SACS: variants seen among roughly 807,000 people sequenced by gnomAD.
SACS encodes sacsin molecular chaperone.
A neutral mutation model predicts 348.0 loss-of-function variants in SACS; 197 were observed. The ratio of observed to expected loss-of-function variants is 0.57; its 90% CI spans 0.50 to 0.64. SACS has a LOEUF of 0.64. SACS is among the 30% of genes least tolerant of loss of function. SACS has a pLI of 0.00. For missense variants in SACS, 4,999 were observed against 5,360.8 expected (o/e 0.93, Z 2.11); for synonymous variants, 1,985 against 1,910.6 (o/e 1.04, Z -1.02).
At chr13:23,426,668 G>A (rs1433250036) in intron 1 of SACS, among the ~76,000 whole-genome samples, 1 of 151,194 alleles carries the variant, frequency 6.6e-6, no homozygotes. Flanking sequence ...GAAGTACATT[G>A]GTTTGGTCTG....
rs1872592995 is a variant in SACS at position 23,393,165 on chromosome 13, C to A, written c.21-17896G>T. 2.0e-5 allele frequency among the ~76,000 whole-genome samples: 3 copies of A among 152,150 alleles called. No homozygotes were observed. The South Asian group carries it at 6.2e-4, about 32-fold the overall frequency. On this transcript the variant is annotated intron_variant, in intron 2 of 9. Transcript: ENST00000382292. ...GAACATGAACAAACTTGTTCCTAAG[C>A]CCATGTGAGACGTCACCTCTCCAAG...
intron 1 of SACS, among the ~76,000 whole-genome samples, chr13:23,422,183 C>A (rs1338897087): frequency 6.6e-6 from 1 of 152,188 alleles, no homozygotes; most frequent in African/African-American, 2.4e-5. Flanking sequence ...TTTCATTAAA[C>A]AAGTTCCTAA....
In SACS at chr13:23,329,370, T is replaced by TA; in HGVS notation, c.*765dup. 1.4e-6 allele frequency: 1 copy of TA among 729,370 alleles called. No individual in the cohort carries two copies. Among genetic ancestry groups the TA allele is most frequent in the East Asian group, 2.5e-5 (1 of 39,824 alleles). The allele number at this position is 729,370 out of a possible 1,614,324, so 45.2% of individuals were successfully genotyped here. ...ACACACAAACATAAAGCAAGTGTTC[T>TA]AACAGTTAATAAATGTTGTCTTGGC... On this transcript the variant is annotated 3_prime_UTR_variant, in exon 10 of 10. Transcript: ENST00000382292.
At chr13:23,369,298 A>T (rs1371572672) in intron 4 of SACS, among the ~76,000 whole-genome samples, 1 of 152,148 alleles carries the variant, frequency 6.6e-6, no homozygotes, top group Non-Finnish European at 1.5e-5. Flanking sequence ...CCTTGCCTAA[A>T]CTAGATATTC....
intron 6 of SACS, among the ~76,000 whole-genome samples, chr13:23,361,363 A>C (rs1025396708): frequency 7.2e-5 from 11 of 152,202 alleles, no homozygotes; most frequent in Admixed American, 3.3e-4. Context: ...CCTTTGCTGT[A>C]ATCAACTCAG....
In SACS at chr13:23,339,205, A is replaced by T. The variant is rs1465375183; in HGVS notation, c.4671T>A (p.Gly1557=). The T allele has an allele frequency of 6.2e-7, 1 of 1,611,992 alleles. No homozygotes were observed. Among genetic ancestry groups the T allele is most frequent in the Non-Finnish European group, 8.5e-7 (1 of 1,179,042 alleles). ...RGEVDKVGKF[G]LGFNSVYHIT... ...TATGGTACACAGAATTAAATCCAAG[A>T]CCAAATTTTCCAACTTTGTCAACTT... The change falls in exon 10 of 10, where the codon GGT becomes GGA. Residue 1557 remains glycine, a synonymous_variant. Coordinates refer to ENST00000382292, the MANE Select transcript of SACS (RefSeq NM_014363.6).
rs773270204 is a variant in SACS, at chr13:23,334,436, T to C, written c.9440A>G (p.Glu3147Gly). 2 of 1,612,548 alleles carry C rather than the reference T, an allele frequency of 1.2e-6. No homozygotes were observed. The highest frequency in any genetic ancestry group is 2.7e-5 in the African/African-American group (2 of 74,882). The change falls in exon 10 of 10, where the codon GAG becomes GGG. Residue 3147 changes from glutamate (E) to glycine (G), a missense_variant. Transcript: ENST00000382292. ...AAGGGGCAATCCCTCAACTTCAATC[T>C]CATTTTCTTCTGCATCTTTAAAACA... ...DYCFKDAEEN[E>G]IEVEGLPLLI...
At position 23,341,653 on chromosome 13, in the gene SACS, T is replaced by C. The variant is rs1203567131; in HGVS notation, c.2223A>G (p.Glu741=). 6.2e-7 allele frequency: 1 copy of C among 1,613,422 alleles called. No homozygotes were observed. Among genetic ancestry groups the C allele is most frequent in the South Asian group, 1.1e-5 (1 of 91,082 alleles). Residue 741 remains glutamate, a synonymous_variant, in exon 10 of 10, where the codon GAA becomes GAG. Coordinates refer to ENST00000382292, the MANE Select transcript of SACS (RefSeq NM_014363.6). ...PCTQLQLLNP[E]RFARLIKEVM... ...CTTCCTTGATAAGACGTGCAAATCG[T>C]TCTGGATTTAGAAGCTGCAGCTGAG...
intron 1 of SACS, among the ~76,000 whole-genome samples, chr13:23,413,939 G>A (rs1433316585): frequency 6.6e-6 from 1 of 152,180 alleles, no homozygotes; most frequent in Non-Finnish European, 1.5e-5. Flanking sequence ...ACTCCAGTTT[G>A]AAATGTTTAA....
chr13:23,433,017 T>A (rs1039501295), intron 1 of SACS, among the ~76,000 whole-genome samples: 1 of 152,238 alleles, frequency 6.6e-6, no homozygotes, highest in African/African-American at 2.4e-5. Flanking sequence ...AATGATCGCT[T>A]ATTAGAATAA....
intron 1 of SACS, chr13:23,427,949 C>T (rs1011215557): frequency 6.6e-6 from 1 of 152,228 alleles, no homozygotes; most frequent in Admixed American, 6.5e-5. Flanking sequence ...TTAAGAGTGT[C>T]TTTGGGACTA....
intron 2 of SACS, among the ~76,000 whole-genome samples, chr13:23,377,574 T>C (rs144119535): frequency 6.6e-6 from 1 of 152,292 alleles, no homozygotes; most frequent in Non-Finnish European, 1.5e-5. Context: ...TCCACTTGAC[T>C]TTCCTACCCA....
At chr13:23,399,689 T>A (rs1376367444) in intron 2 of SACS, among the ~76,000 whole-genome samples, 1 of 152,030 alleles carries the variant, frequency 6.6e-6, no homozygotes, top group African/African-American at 2.4e-5. Context: ...GAAGTGTGAG[T>A]GGCACCCTTC....
chr13:23,334,222 T>C lies in SACS; in HGVS notation c.9654A>G (p.Leu3218=), dbSNP rs754783325. 10 of 1,613,766 alleles carry C rather than the reference T, an allele frequency of 6.2e-6. No individual in the cohort carries two copies. Among genetic ancestry groups the C allele is most frequent in the Non-Finnish European group, 8.5e-6 (10 of 1,179,796 alleles). Residue 3218 remains leucine (L), a synonymous_variant, in exon 10 of 10, where the codon TTA becomes TTG. Transcript: ENST00000382292. The stretch of plus-strand genomic sequence containing the variant: ...TATATTCTCGAGGCAACACAGAGGA[T>C]AACAAATCAGCAAAGCTGGAAATGT... ...VFDISSFADL[L]SSVLPREYKT...
chr13:23,353,901 C>T lies in SACS; in HGVS notation c.2094-25G>A, dbSNP rs201173913. On this transcript the variant is annotated intron_variant, in intron 8 of 9. Transcript: ENST00000382292. ...CCTGAAAAGGGAAAGGAACAGCAATCATCATAATCTTCCCACAATTCCAAG... is the reference window on the plus strand; with the variant it reads ...CCTGAAAAGGGAAAGGAACAGCAATTATCATAATCTTCCCACAATTCCAAG... 3,507 of 1,235,968 alleles carry T rather than the reference C, an allele frequency of 2.8e-3. 17 individuals carry two copies. Among genetic ancestry groups the T allele is most frequent in the Non-Finnish European group, 3.2e-3 (2,691 of 835,090 alleles). The allele number at this position is 1,235,968 out of a possible 1,614,324, so 76.6% of individuals were successfully genotyped here.
At chr13:23,418,077 A>T (rs1873756981) in intron 1 of SACS, among the ~76,000 whole-genome samples, 2 of 151,924 alleles carry the variant, frequency 1.3e-5, no homozygotes, top group Admixed American at 1.3e-4. Flanking sequence ...AAAAAAAAAA[A>T]AATTCAAGTT....
At position 23,365,190 on chromosome 13, in the gene SACS, A is replaced by C; in HGVS notation, c.433T>G (p.Ser145Ala). Residue 145 changes from serine (S) to alanine (A), a missense_variant, in exon 6 of 10, where the codon TCA (serine) becomes GCA (alanine). Physicochemically the swap from Ser to Ala is moderately conservative, Grantham distance 99 (BLOSUM62 1). Transcript: ENST00000382292. ...ETQYGTETLWSKDMAPYQGPA... is the reference protein window; with the variant it reads ...ETQYGTETLWAKDMAPYQGPA... ...CCCTGATATGGCGCCATATCTTTTG[A>C]CCAAAGAGTCTCTGTTCCGTATTGA... The C allele has an allele frequency of 6.2e-7, 1 of 1,612,222 alleles. No individual in the cohort carries two copies. Among genetic ancestry groups the C allele is most frequent in the Non-Finnish European group, 8.5e-7 (1 of 1,179,042 alleles).
intron 8 of SACS, 150 bp from the exon 9 acceptor site, chr13:23,354,026 G>T: frequency 1.5e-6 from 1 of 647,582 alleles, no homozygotes. Context: ...CAATATTTTT[G>T]ATCAAATATT....
chr13:23,329,812 C>G lies in SACS; in HGVS notation c.*324G>C. ...TTAAAAACATAAAATTAACTTCATC[C>G]TAACCAGAGACATACATAGACTCTT... On this transcript the variant is annotated 3_prime_UTR_variant, in exon 10 of 10. Transcript: ENST00000382292. 1 of 466,602 alleles carries G rather than the reference C, an allele frequency of 2.1e-6. No individual in the cohort carries two copies. Among genetic ancestry groups the G allele is most frequent in the Non-Finnish European group, 3.8e-6 (1 of 264,174 alleles). 28.9% of individuals were successfully genotyped at this position (466,602 alleles called of 1,614,324 possible).
Sources: gnomAD v4.1 joint callset for allele counts (sites outside exome capture counted in the v4.1 genomes callset) on GRCh38, gnomAD v4.1.1 for gene constraint, MANE v1.5 for transcripts, NCBI Gene and HGNC (gene_info 2026-07-23, HGNC 2026-07-21) for gene names.